The following GLIS3 variants were observed in gnomAD, a reference collection of about 807,000 sequenced individuals.
GLIS3 encodes GLIS family zinc finger 3.
In GLIS3, 53 loss-of-function variants were observed where a neutral mutation model predicts 78.6. The observed-to-expected ratio is 0.67, with a 90% confidence interval of 0.54 to 0.85. The LOEUF (loss-of-function observed/expected upper bound fraction) is 0.85, where lower values mean the gene tolerates loss of function less well. Ranked by LOEUF, GLIS3 falls within the 40% of genes least tolerant of loss-of-function variation. GLIS3 has a pLI of 0.00. For missense variants in GLIS3, 1,703 were observed against 1,231.1 expected, an observed-to-expected ratio of 1.38 and a Z score of -5.74; for synonymous variants, 684 against 509.9, an observed-to-expected ratio of 1.34 and a Z score of -4.60.
At chr9:4,341,403 A>C (rs772423966) in intron 2 of GLIS3, among the ~76,000 whole-genome samples, 44 of 152,358 alleles carry the variant, frequency 2.9e-4, no homozygotes, top group Non-Finnish European at 2.9e-4. Flanking sequence ...TGATGTGCAC[A>C]CAGCTCATTG....
intron 4 of GLIS3, among the ~76,000 whole-genome samples, chr9:4,038,693 T>C (rs1303186760): frequency 6.6e-6 from 1 of 152,216 alleles, no homozygotes; most frequent in Non-Finnish European, 1.5e-5. Flanking sequence ...GTAAGTGACA[T>C]AGTTTGGCCA....
chr9:4,385,708 AAGGAGAGAGAGAG>A, the GLIS3 span, among the ~76,000 whole-genome samples: 1 of 116,314 alleles, frequency 8.6e-6, no homozygotes, highest in African/African-American at 3.3e-5. Context: ...GAAACAAAGA[AAGGAGAGAGAGAG>A]AGAAAGAAAG....
chr9:4,217,723 T>A (rs990740643), intron 2 of GLIS3, among the ~76,000 whole-genome samples: 1 of 152,212 alleles, frequency 6.6e-6, no homozygotes, highest in Non-Finnish European at 1.5e-5. Context: ...TGTGGTCTCT[T>A]AATAAGTAAG....
chr9:4,284,967 T>A (rs887319448), intron 2 of GLIS3, among the ~76,000 whole-genome samples: 1 of 152,256 alleles, frequency 6.6e-6, no homozygotes, highest in Admixed American at 6.5e-5. Context: ...TGCTATTTTT[T>A]TTTTAAACCT....
chr9:4,474,985 A>ATTTTTTTTTTTTTTTTTTTTTTTTTTTTT, the GLIS3 span, among the ~76,000 whole-genome samples: 1 of 114,490 alleles, frequency 8.7e-6, no homozygotes, highest in South Asian at 2.8e-4. Flanking sequence ...GACTATGTTA[A>ATTTTTTTTTTTTTTTTTTTTTTTTTTTTT]TTTTTTTTTC....
intron 2 of GLIS3, among the ~76,000 whole-genome samples, chr9:4,140,046 C>A (rs770399207): frequency 5.3e-5 from 8 of 152,194 alleles, no homozygotes; most frequent in Admixed American, 3.3e-4. Flanking sequence ...GATATAACTT[C>A]TTAGCCTGTA....
chr9:4,409,757 G>A, the GLIS3 span, among the ~76,000 whole-genome samples: 1 of 152,130 alleles, frequency 6.6e-6, no homozygotes, highest in African/African-American at 2.4e-5. Flanking sequence ...GTGAAAAAAA[G>A]GGAATTTCTC....
At chr9:4,201,029 T>C (rs1819343240) in intron 2 of GLIS3, among the ~76,000 whole-genome samples, 1 of 152,182 alleles carries the variant, frequency 6.6e-6, no homozygotes, top group African/African-American at 2.4e-5. Context: ...GATTGGTTCA[T>C]CATATGCAAA....
chr9:3,861,149 C>T (rs957611511), intron 8 of GLIS3, among the ~76,000 whole-genome samples: 4 of 152,194 alleles, frequency 2.6e-5, no homozygotes, highest in Non-Finnish European at 5.9e-5. Context: ...CTGACATTAA[C>T]ATGTATCCCT....
At position 4,118,820 on chromosome 9, in the gene GLIS3, C is replaced by T; in HGVS notation, c.658G>A (p.Ala220Thr). 1 of 1,607,856 alleles carries T rather than the reference C, an allele frequency of 6.2e-7. No individual in the cohort carries two copies. Among genetic ancestry groups the T allele is most frequent in the South Asian group, 1.1e-5 (1 of 91,068 alleles). The change falls in exon 4 of 11, where the codon GCC becomes ACC. Residue 220 changes from alanine to threonine, a missense_variant. By Grantham distance (58) the Ala-to-Thr change is moderately conservative. Transcript: ENST00000381971. The surrounding 1 kb of genome is among the most constrained non-coding windows in gnomAD (Gnocchi z 4.7). ...TTLSLTESQSASSMKQEWSQG... is the reference protein window; with the variant it reads ...TTLSLTESQSTSSMKQEWSQG... ...GACCACTCCTGCTTCATGCTTGAGG[C>T]CGACTGACTTTCCGTCAGACTCAAG...
chr9:4,469,584 C>T, the GLIS3 span, among the ~76,000 whole-genome samples: 1 of 152,134 alleles, frequency 6.6e-6, no homozygotes, highest in East Asian at 1.9e-4. Context: ...TTCTTTGAAA[C>T]CAAACATAAC....
the GLIS3 span, among the ~76,000 whole-genome samples, chr9:4,406,567 A>G: frequency 6.6e-6 from 1 of 152,224 alleles, no homozygotes; most frequent in African/African-American, 2.4e-5. Context: ...TAAAGAGGCC[A>G]TCAAAAAACT....
intron 8 of GLIS3, among the ~76,000 whole-genome samples, chr9:3,870,624 C>G (rs1471720385): frequency 1.3e-5 from 2 of 152,140 alleles, no homozygotes; most frequent in Admixed American, 1.3e-4. Flanking sequence ...AGCAGAACCC[C>G]CTGATAAAAC....
the GLIS3 span, among the ~76,000 whole-genome samples, chr9:4,413,750 G>A: frequency 6.6e-6 from 1 of 152,034 alleles, no homozygotes; most frequent in East Asian, 1.9e-4. Flanking sequence ...CTTATACCAG[G>A]CAGGGAATGC....
intron 4 of GLIS3, among the ~76,000 whole-genome samples, chr9:4,014,403 C>T (rs114707532): frequency 0.03 from 4,551 of 152,144 alleles, 238 homozygotes; most frequent in African/African-American, 0.1. Context: ...CAGATGTAAT[C>T]AGTTAAGAGG....
chr9:4,009,553 C>T (rs115799544), intron 4 of GLIS3, among the ~76,000 whole-genome samples: 1,551 of 152,232 alleles, frequency 0.01, 33 homozygotes, highest in African/African-American at 0.035. Flanking sequence ...GAGGCAGCAG[C>T]ACATTCCTGC....
At chr9:3,991,915 C>A (rs552200470) in intron 4 of GLIS3, among the ~76,000 whole-genome samples, 4 of 152,096 alleles carry the variant, frequency 2.6e-5, no homozygotes, top group Admixed American at 6.5e-5. Context: ...CAGTCTTGAT[C>A]TCCTGACTTC....
At chr9:4,447,773 C>T in the GLIS3 span, among the ~76,000 whole-genome samples, 5 of 152,136 alleles carry the variant, frequency 3.3e-5, no homozygotes, top group African/African-American at 1.2e-4. Flanking sequence ...CTTCTTTTGC[C>T]AAGAGGTTAT....
At chr9:4,001,039 T>C (rs1050636256) in intron 4 of GLIS3, among the ~76,000 whole-genome samples, 1 of 152,204 alleles carries the variant, frequency 6.6e-6, no homozygotes, top group Non-Finnish European at 1.5e-5. Context: ...AAACCAACAT[T>C]TCCCGTGTGT....
Sources: gnomAD v4.1 joint callset for allele counts (sites outside exome capture counted in the v4.1 genomes callset) on GRCh38, gnomAD v4.1.1 for gene constraint, Gnocchi (gnomAD v3.1) non-coding constraint, MANE v1.5 for transcripts, NCBI Gene and HGNC (gene_info 2026-07-23, HGNC 2026-07-21) for gene names.